The following PEAK1 variants were observed in gnomAD, a reference collection of about 807,000 sequenced individuals.
PEAK1 encodes the protein inactive tyrosine-protein kinase PEAK1.
Under a neutral mutation model 124.7 loss-of-function variants are expected in PEAK1, and 54 were observed. The ratio of observed to expected loss-of-function variants is 0.43; its 90% CI spans 0.35 to 0.54. The LOEUF (loss-of-function observed/expected upper bound fraction) is 0.54. Ranked by LOEUF, PEAK1 falls within the 20% of genes least tolerant of loss-of-function variation. The probability of loss-of-function intolerance (pLI) is 0.01; values close to 1 mark genes in which losing one functional copy is unlikely to be tolerated. For synonymous variants in PEAK1, 719 were observed against 760.0 expected (o/e 0.95, Z 0.89); for missense variants, 2,046 against 2,134.5 (o/e 0.96, Z 0.82).
intron 2 of PEAK1, among the ~76,000 whole-genome samples, chr15:77,297,737 AAC>A (rs1364501552): frequency 2.4e-4 from 33 of 138,814 alleles, no homozygotes; most frequent in African/African-American, 8.4e-4. Context: ...TCAGCCTGGC[AAC>A]AGAGTGAGAT....
chr15:77,182,897 T>C (rs2057357690), intron 6 of PEAK1, among the ~76,000 whole-genome samples: 1 of 151,992 alleles, frequency 6.6e-6, no homozygotes, highest in Admixed American at 6.6e-5. Flanking sequence ...ATAATCCAAT[T>C]TGCATTTTAA....
chr15:77,344,776 G>C (rs760813082), intron 2 of PEAK1, among the ~76,000 whole-genome samples: 9 of 152,022 alleles, frequency 5.9e-5, no homozygotes, highest in Non-Finnish European at 1.2e-4. Flanking sequence ...CACCTCCTTG[G>C]TTAATTTATT....
chr15:77,189,158 G>A (rs749265607), intron 6 of PEAK1, among the ~76,000 whole-genome samples: 2 of 152,034 alleles, frequency 1.3e-5, no homozygotes, highest in Non-Finnish European at 2.9e-5. Flanking sequence ...CCGAGATCGC[G>A]CCACTGCACT....
chr15:77,350,879 C>T, intron 2 of PEAK1: 1 of 985,134 alleles, frequency 1.0e-6, no homozygotes, highest in Non-Finnish European at 1.2e-6. Context: ...TCTCAATCAC[C>T]TTGGATACGC....
chr15:77,304,441 C>CT (rs2063960926), intron 2 of PEAK1, among the ~76,000 whole-genome samples: 3 of 124,724 alleles, frequency 2.4e-5, no homozygotes, highest in African/African-American at 5.7e-5. Context: ...CTCCTGTATA[C>CT]ATTTTTTTTT....
chr15:77,201,716 A>G (rs1283761857), intron 6 of PEAK1, among the ~76,000 whole-genome samples: 1 of 152,184 alleles, frequency 6.6e-6, no homozygotes, highest in Non-Finnish European at 1.5e-5. Context: ...GTTCTAGCAT[A>G]TCCCAAATAT....
chr15:77,215,305 TG>T (rs2059099078), intron 6 of PEAK1, among the ~76,000 whole-genome samples: 1 of 152,146 alleles, frequency 6.6e-6, no homozygotes, highest in Admixed American at 6.5e-5. Flanking sequence ...ACATAGGCTT[TG>T]CAAAAATTTA....
At chr15:77,315,118 TA>T (rs1384903586) in intron 2 of PEAK1, among the ~76,000 whole-genome samples, 1 of 152,248 alleles carries the variant, frequency 6.6e-6, no homozygotes, top group Non-Finnish European at 1.5e-5. Flanking sequence ...AAATTTGTAC[TA>T]ATAGCAAGAA....
chr15:77,351,605 A>C, intron 2 of PEAK1: 1 of 639,652 alleles, frequency 1.6e-6, no homozygotes, highest in Middle Eastern at 8.0e-4. Flanking sequence ...GCTCAGGCCC[A>C]CTCCCACACT....
At chr15:77,247,636 T>A (rs2060659266) in intron 6 of PEAK1, among the ~76,000 whole-genome samples, 1 of 151,828 alleles carries the variant, frequency 6.6e-6, no homozygotes, top group African/African-American at 2.4e-5. Flanking sequence ...CCACCGCACC[T>A]GGCTAATTTT....
chr15:77,330,951 T>C (rs1016219940), intron 2 of PEAK1: 29 of 798,690 alleles, frequency 3.6e-5, no homozygotes, highest in Non-Finnish European at 4.4e-5. Flanking sequence ...TGGGATACAG[T>C]AGGTACTAAG....
chr15:77,178,723 T>A (rs1044672630), intron 7 of PEAK1, 67 bp downstream of exon 7: 5 of 1,451,440 alleles, frequency 3.4e-6, no homozygotes, highest in Non-Finnish European at 2.8e-6. Context: ...TCTTAAAAGA[T>A]ATAAAAAACT....
At chr15:77,373,739 C>T (rs2141715178) in intron 1 of PEAK1, among the ~76,000 whole-genome samples, 1 of 152,278 alleles carries the variant, frequency 6.6e-6, no homozygotes, top group South Asian at 2.1e-4. Context: ...CTTTAAATAT[C>T]ACTCCTGCCT....
At chr15:77,239,588 C>T (rs949884468) in intron 6 of PEAK1, among the ~76,000 whole-genome samples, 2 of 152,098 alleles carry the variant, frequency 1.3e-5, no homozygotes, top group Non-Finnish European at 2.9e-5. Context: ...TCTTCTAATG[C>T]TATGTATAAG....
chr15:77,319,352 T>C (rs1231198557), intron 2 of PEAK1, among the ~76,000 whole-genome samples: 10 of 151,794 alleles, frequency 6.6e-5, no homozygotes, highest in African/African-American at 1.5e-4. Context: ...AGGAGCAAAA[T>C]TGTTGAAGAA....
At position 77,140,620 on chromosome 15, in the gene PEAK1, T is replaced by C. The variant is rs934917617; in HGVS notation, c.3332-6870A>G. Among the ~76,000 whole-genome samples, 13 of 152,316 alleles carry C rather than the reference T, an allele frequency of 8.5e-5. No individual in the cohort carries two copies. In the East Asian group the frequency reaches 2.5e-3, roughly 29 times the overall value. Reference sequence around the variant, plus strand: ...CAACCTGACAAAGGAAAGGGCATCTTTGTAAAAGAGCTAACATCATACTTA... The same window carrying C: ...CAACCTGACAAAGGAAAGGGCATCTCTGTAAAAGAGCTAACATCATACTTA... On this transcript the variant is annotated intron_variant, in intron 8 of 9. Coordinates refer to ENST00000682557, the MANE Select transcript of PEAK1 (RefSeq NM_001385026.1).
At chr15:77,239,198 A>T (rs1315464885) in intron 6 of PEAK1, among the ~76,000 whole-genome samples, 2 of 152,216 alleles carry the variant, frequency 1.3e-5, no homozygotes, top group Non-Finnish European at 2.9e-5. Flanking sequence ...TTTTAAGGGA[A>T]AATGTGCTTT....
In PEAK1 at chr15:77,419,093, C is replaced by G. The variant is rs1049911727; in HGVS notation, c.-666+913G>C. On this transcript the variant is annotated intron_variant, in intron 1 of 9. Coordinates refer to ENST00000682557, the MANE Select transcript of PEAK1 (RefSeq NM_001385026.1). ...TTTTCCTCTAACTCATCACTACCCC[C>G]TCAACGTCAGCCTTCCAATAACTCC... is the stretch of plus-strand genomic sequence containing the variant. 1.2e-5 allele frequency: 12 copies of G among 985,316 alleles called. No individual in the cohort carries two copies. The African/African-American group carries it at 2.1e-4, about 17-fold the overall frequency. The allele number at this position is 985,316 out of a possible 1,614,324, so 61.0% of individuals were successfully genotyped here.
chr15:77,237,961 G>C (rs900480030), intron 6 of PEAK1, among the ~76,000 whole-genome samples: 7 of 152,060 alleles, frequency 4.6e-5, no homozygotes, highest in Non-Finnish European at 1.0e-4. Context: ...AAACTGATTT[G>C]AGAGGCTACC....
Sources: allele counts gnomAD v4.1 joint callset (sites outside exome capture counted in the v4.1 genomes callset), GRCh38; gene constraint gnomAD v4.1.1; transcripts MANE v1.5; gene names NCBI Gene and HGNC (gene_info 2026-07-23, HGNC 2026-07-21).